MDGA2: variants seen among roughly 807,000 people sequenced by gnomAD.
MDGA2 encodes MAM domain containing glycosylphosphatidylinositol anchor 2, also known as MAM domain-containing glycosylphosphatidylinositol anchor protein 2.
MDGA2 carries 40 observed loss-of-function variants against 117.8 expected under a neutral mutation model. The observed-to-expected ratio is 0.34, with a 90% confidence interval of 0.26 to 0.44. The LOEUF (loss-of-function observed/expected upper bound fraction) is 0.44, where lower values mean the gene tolerates loss of function less well. Ranked by LOEUF, MDGA2 falls within the 20% of genes least tolerant of loss-of-function variation. MDGA2 has a pLI of 1.00. For missense variants in MDGA2, 1,123 were observed against 1,250.6 expected (o/e 0.90, Z 1.54); for synonymous variants, 452 against 439.0 (o/e 1.03, Z -0.37).
At chr14:47,413,978 A>G (rs1566774701) in intron 1 of MDGA2, among the ~76,000 whole-genome samples, 1 of 152,130 alleles carries the variant, frequency 6.6e-6, no homozygotes. Flanking sequence ...AAAGAAGAGT[A>G]CCAGATGCAG....
chr14:46,858,420 CTTTTTTTCTTTTTTT>C (rs1881364321), intron 14 of MDGA2, among the ~76,000 whole-genome samples: 1 of 109,808 alleles, frequency 9.1e-6, no homozygotes, highest in African/African-American at 3.4e-5. Context: ...TTTTCTTTTT[CTTTTTTTCTTTTTTT>C]TTTTTTTTTT....
At chr14:47,110,183 G>A (rs1359883836) in intron 5 of MDGA2, among the ~76,000 whole-genome samples, 2 of 151,162 alleles carry the variant, frequency 1.3e-5, no homozygotes, top group Non-Finnish European at 2.9e-5. Context: ...AAAAAATACA[G>A]TGTACTGTTT....
In MDGA2 at chr14:47,131,722, T is replaced by C; in HGVS notation, c.917A>G (p.Asn306Ser). Residue 306 changes from asparagine to serine, a missense_variant, in exon 5 of 17, where the codon AAT becomes AGT. Physicochemically the swap from Asn to Ser is conservative, Grantham distance 46. This residue lies in a region of MDGA2 where 890 missense variants were observed against 1,050.3 expected (regional missense o/e 0.85). Coordinates refer to ENST00000399232, the MANE Select transcript of MDGA2 (RefSeq NM_001113498.3). ...PDKMVSFRLS[N>S]KTASPSIKLL... ...CAGAGATAATTCCATACCTGTTTTA[T>C]TGGACAGTCTAAACGACACCATCTT... 2 of 1,524,584 alleles carry C rather than the reference T, an allele frequency of 1.3e-6. No homozygotes were observed. The highest frequency in any genetic ancestry group is 1.8e-6 in the Non-Finnish European group (2 of 1,120,046). 94.4% of individuals were successfully genotyped at this position (1,524,584 alleles called of 1,614,324 possible). A position where few individuals can be genotyped will look rare whatever the true frequency, so the allele number is the denominator to read the frequency against.
intron 1 of MDGA2, among the ~76,000 whole-genome samples, chr14:47,416,727 C>G (rs964600335): frequency 1.3e-5 from 2 of 152,148 alleles, no homozygotes; most frequent in African/African-American, 4.8e-5. Flanking sequence ...TGGCACTATG[C>G]AAGGTTCACC....
At chr14:47,484,890 G>C (rs776723768) in intron 1 of MDGA2, among the ~76,000 whole-genome samples, 13 of 152,090 alleles carry the variant, frequency 8.5e-5, no homozygotes, top group Admixed American at 2.6e-4. Context: ...GGCCTCCCCA[G>C]CCATGTGGAA....
At chr14:46,992,413 T>G (rs1186571845) in intron 8 of MDGA2, among the ~76,000 whole-genome samples, 1 of 151,378 alleles carries the variant, frequency 6.6e-6, no homozygotes, top group Non-Finnish European at 1.5e-5. Context: ...TTTTGAACAA[T>G]TTTTTTTTAA....
intron 2 of MDGA2, among the ~76,000 whole-genome samples, chr14:47,299,903 T>A (rs1239619524): frequency 6.6e-6 from 1 of 152,180 alleles, no homozygotes; most frequent in Non-Finnish European, 1.5e-5. Flanking sequence ...TTATCGTGAG[T>A]TTTCCTTTTT....
intron 1 of MDGA2, among the ~76,000 whole-genome samples, chr14:47,460,728 G>C (rs1893465591): frequency 6.6e-6 from 1 of 151,954 alleles, no homozygotes; most frequent in African/African-American, 2.4e-5. Flanking sequence ...CAGAACCCAG[G>C]GGGCCCCTGG....
At chr14:47,116,942 A>G (rs1051951453) in intron 5 of MDGA2, among the ~76,000 whole-genome samples, 9 of 149,142 alleles carry the variant, frequency 6.0e-5, no homozygotes, top group African/African-American at 2.2e-4. Flanking sequence ...AAGGTTCTGC[A>G]CAGAAAAAAA....
chr14:47,090,731 A>C (rs1879603304), intron 6 of MDGA2, among the ~76,000 whole-genome samples: 1 of 152,176 alleles, frequency 6.6e-6, no homozygotes, highest in Non-Finnish European at 1.5e-5. Flanking sequence ...TTCTTGGAAC[A>C]CTTGGCCTGG....
chr14:47,613,683 T>A (rs1367560789), intron 1 of MDGA2, among the ~76,000 whole-genome samples: 2 of 152,180 alleles, frequency 1.3e-5, no homozygotes, highest in African/African-American at 4.8e-5. Flanking sequence ...TATCCTGATT[T>A]CCTTTGTGAA....
At chr14:47,231,899 T>C (rs995592458) in intron 2 of MDGA2, among the ~76,000 whole-genome samples, 1 of 152,040 alleles carries the variant, frequency 6.6e-6, no homozygotes, top group Non-Finnish European at 1.5e-5. Context: ...TCCAGACATA[T>C]GTCTTGAGTA....
chr14:47,105,570 G>A (rs961281700), intron 5 of MDGA2, among the ~76,000 whole-genome samples: 15 of 151,872 alleles, frequency 9.9e-5, no homozygotes, highest in African/African-American at 3.4e-4. Flanking sequence ...ATACAAACTC[G>A]ACAGTAGTTC....
intron 1 of MDGA2, among the ~76,000 whole-genome samples, chr14:47,561,884 AT>A (rs1895823722): frequency 6.6e-6 from 1 of 152,156 alleles, no homozygotes; most frequent in Non-Finnish European, 1.5e-5. Flanking sequence ...GGCTCTTATT[AT>A]TTTAAAGTAT....
intron 1 of MDGA2, among the ~76,000 whole-genome samples, chr14:47,489,832 C>T (rs2138650972): frequency 6.6e-6 from 1 of 152,102 alleles, no homozygotes; most frequent in Non-Finnish European, 1.5e-5. Context: ...ACTTTTTCCC[C>T]ATGAGTTTCT....
intron 8 of MDGA2, among the ~76,000 whole-genome samples, chr14:46,989,218 G>A (rs1313449098): frequency 6.6e-6 from 1 of 151,830 alleles, no homozygotes; most frequent in Non-Finnish European, 1.5e-5. Flanking sequence ...TCTGCTAGCA[G>A]CTCTTAGTGG....
At chr14:47,342,687 A>AACGG (rs1890665556) in intron 1 of MDGA2, among the ~76,000 whole-genome samples, 1 of 152,096 alleles carries the variant, frequency 6.6e-6, no homozygotes, top group South Asian at 2.1e-4. Context: ...GACCCGGAAA[A>AACGG]ACGGAGAAAT....
intron 1 of MDGA2, among the ~76,000 whole-genome samples, chr14:47,529,840 G>C (rs1232951330): frequency 2.0e-5 from 3 of 152,214 alleles, no homozygotes; most frequent in Admixed American, 2.0e-4. Context: ...TGTAGGATAT[G>C]TATGAATATG....
intron 5 of MDGA2, among the ~76,000 whole-genome samples, chr14:47,113,566 G>A (rs1357351943): frequency 1.3e-5 from 2 of 152,020 alleles, no homozygotes; most frequent in African/African-American, 4.8e-5. Context: ...TATCCACCAC[G>A]ATCAAGTCAG....
Sources: allele counts gnomAD v4.1 joint callset (sites outside exome capture counted in the v4.1 genomes callset), GRCh38; gene constraint gnomAD v4.1.1; regional missense constraint gnomAD v4.1.1; transcripts MANE v1.5; gene names NCBI Gene and HGNC (gene_info 2026-07-23, HGNC 2026-07-21).